KIF1B: variants seen among roughly 807,000 people sequenced by gnomAD.
The protein encoded by KIF1B is kinesin-like protein KIF1B.
A neutral mutation model predicts 241.9 loss-of-function variants in KIF1B; 76 were observed. The ratio of observed to expected loss-of-function variants is 0.31; its 90% confidence interval spans 0.26 to 0.38. KIF1B has a LOEUF of 0.38. KIF1B is among the 10% of genes least tolerant of loss of function. KIF1B has a pLI of 1.00. For missense variants in KIF1B, 1,622 were observed against 2,271.4 expected (o/e 0.71, Z 5.81); for synonymous variants, 750 against 796.7 (o/e 0.94, Z 0.99).
intron 2 of KIF1B, among the ~76,000 whole-genome samples, chr1:10,247,171 A>G (rs1196603861): frequency 2.6e-5 from 4 of 152,172 alleles, no homozygotes; most frequent in Admixed American, 2.6e-4. Flanking sequence ...AGTCCTTATC[A>G]CTTTTAGAAT....
intron 27 of KIF1B, among the ~76,000 whole-genome samples, chr1:10,334,194 C>T (rs1652074196): frequency 6.6e-6 from 1 of 151,194 alleles, no homozygotes; most frequent in African/African-American, 2.4e-5. Flanking sequence ...ATGGGCTCCT[C>T]CTCCAACCTG....
At chr1:10,368,963 G>A (rs910097997) in intron 44 of KIF1B, among the ~76,000 whole-genome samples, 77 of 152,118 alleles carry the variant, frequency 5.1e-4, no homozygotes, top group Admixed American at 2.0e-3. Flanking sequence ...TAGTCAGCTT[G>A]ACCTTAAACC....
At chr1:10,305,908 A>G (rs899714068) in intron 22 of KIF1B, 4 of 1,053,146 alleles carry the variant, frequency 3.8e-6, no homozygotes, top group South Asian at 9.1e-5. Context: ...GCCTGACTTC[A>G]TGTTTTGGAA....
chr1:10,272,599 A>T, intron 9 of KIF1B: 2 of 510,092 alleles, frequency 3.9e-6, no homozygotes, highest in Non-Finnish European at 7.0e-6. Flanking sequence ...ACAAAAACCA[A>T]GTATATTTAT....
intron 24 of KIF1B, among the ~76,000 whole-genome samples, chr1:10,322,374 A>G (rs564253827): frequency 6.6e-6 from 1 of 152,222 alleles, no homozygotes; most frequent in African/African-American, 2.4e-5. Context: ...CCATCTACAT[A>G]ATGGGGTTGG....
rs1428144182 is a variant in KIF1B, at chr1:10,365,262, T to G, written c.4512+17T>G. 9.9e-6 allele frequency: 16 copies of G among 1,613,748 alleles called. No individual in the cohort carries two copies. The highest frequency in any genetic ancestry group is 1.4e-5 in the Non-Finnish European group (16 of 1,179,844). ...CTACATGAGGTATCCAGGGGCAGGGTTGTTCAGATGCAAGAACTCTCGGAC... is the reference window on the plus strand; with the variant it reads ...CTACATGAGGTATCCAGGGGCAGGGGTGTTCAGATGCAAGAACTCTCGGAC... On this transcript the variant is annotated intron_variant, in intron 42 of 48. Coordinates refer to ENST00000676179, the MANE Select transcript of KIF1B (RefSeq NM_001365951.3). This position sits in a 1 kb window ranked among gnomAD's most constrained non-coding sequence, Gnocchi z 4.0.
chr1:10,334,458 C>T, intron 27 of KIF1B, 62 bp from the exon 28 acceptor site: 1 of 1,264,544 alleles, frequency 7.9e-7, no homozygotes, highest in Admixed American at 1.7e-5. Context: ...CTCAGTGAAT[C>T]TGAAAGCCAG....
At chr1:10,353,290 G>T (rs1449043165) in intron 38 of KIF1B, among the ~76,000 whole-genome samples, 2 of 152,122 alleles carry the variant, frequency 1.3e-5, no homozygotes, top group Admixed American at 1.3e-4. Flanking sequence ...GACCAAGATT[G>T]GCTGCCATAA....
At chr1:10,234,306 C>T (rs1450497859) in intron 2 of KIF1B, among the ~76,000 whole-genome samples, 1 of 151,504 alleles carries the variant, frequency 6.6e-6, no homozygotes, top group African/African-American at 2.4e-5. Flanking sequence ...CTCCTGGGTT[C>T]AAGCGATTCT....
In KIF1B at chr1:10,258,226, G is replaced by A. The variant is rs535058543; in HGVS notation, c.184-267G>A. Among the ~76,000 whole-genome samples the A allele has an allele frequency of 3.3e-5, 5 of 152,342 alleles. No individual in the cohort carries two copies. In the South Asian group the frequency reaches 1.0e-3, roughly 32 times the overall value. The stretch of plus-strand genomic sequence containing the variant: ...CTTTTAAGGTTATAGAAAGTGAAAT[G>A]TAATCATGCCAGATAATTTTATATA... On this transcript the variant is annotated intron_variant, in intron 3 of 48. Transcript: ENST00000676179.
chr1:10,229,867 C>CAAAAAAAAAA (rs58923572), intron 1 of KIF1B, among the ~76,000 whole-genome samples: 3 of 56,474 alleles, frequency 5.3e-5, no homozygotes, highest in African/African-American at 1.8e-4. Flanking sequence ...GACTCCGTCT[C>CAAAAAAAAAA]AAAAAAAAAA....
At chr1:10,371,922 C>CAT (rs1319726711) in intron 45 of KIF1B, among the ~76,000 whole-genome samples, 3 of 152,020 alleles carry the variant, frequency 2.0e-5, no homozygotes, top group African/African-American at 7.3e-5. Flanking sequence ...GGCGACAGAG[C>CAT]AAGACCCTGT....
chr1:10,286,546 G>A (rs1051653779), intron 15 of KIF1B, among the ~76,000 whole-genome samples: 1 of 152,220 alleles, frequency 6.6e-6, no homozygotes. Context: ...AGCATGCTAT[G>A]TTCAGTACAG....
At chr1:10,256,613 A>G (rs1392041968) in intron 3 of KIF1B, among the ~76,000 whole-genome samples, 1 of 151,834 alleles carries the variant, frequency 6.6e-6, no homozygotes, top group Non-Finnish European at 1.5e-5. Context: ...TGATTTAGAC[A>G]TTTCTTGAGG....
chr1:10,355,794 C>G (rs1448483928), intron 38 of KIF1B, among the ~76,000 whole-genome samples: 35 of 152,222 alleles, frequency 2.3e-4, no homozygotes, highest in Non-Finnish European at 1.5e-5. Context: ...TGCAGTCTTG[C>G]AAAACTGTTC....
At chr1:10,234,155 G>A (rs981041287) in intron 2 of KIF1B, among the ~76,000 whole-genome samples, 2 of 151,846 alleles carry the variant, frequency 1.3e-5, no homozygotes, top group South Asian at 2.1e-4. Flanking sequence ...CAAGTTTGCT[G>A]TAATGTTAGG....
In KIF1B at chr1:10,268,101, A is replaced by G. The variant is rs751121366; in HGVS notation, c.609-51A>G. 1.9e-5 allele frequency: 22 copies of G among 1,183,726 alleles called. No individual in the cohort carries two copies. In the Admixed American group the frequency reaches 3.1e-4, roughly 17 times the overall value. 73.3% of individuals were successfully genotyped at this position (1,183,726 alleles called of 1,614,324 possible). ...AATGTGGAGCCTGCTGTCCATTTCAACTCTCATCTAAGAATTCCCTTGTCA... is the reference window on the plus strand; with the variant it reads ...AATGTGGAGCCTGCTGTCCATTTCAGCTCTCATCTAAGAATTCCCTTGTCA... On this transcript the variant is annotated intron_variant, in intron 6 of 48. Coordinates refer to ENST00000676179, the MANE Select transcript of KIF1B (RefSeq NM_001365951.3).
intron 2 of KIF1B, among the ~76,000 whole-genome samples, chr1:10,247,172 CTT>C (rs1226059848): frequency 6.6e-6 from 1 of 152,198 alleles, no homozygotes; most frequent in African/African-American, 2.4e-5. Flanking sequence ...GTCCTTATCA[CTT>C]TTAGAATAAA....
chr1:10,260,256 GA>G (rs1648053713), intron 4 of KIF1B, among the ~76,000 whole-genome samples: 1 of 152,134 alleles, frequency 6.6e-6, no homozygotes, highest in Admixed American at 6.5e-5. Context: ...TCTAAACATA[GA>G]AAAGTACATT....
Sources: allele counts gnomAD v4.1 joint callset (sites outside exome capture counted in the v4.1 genomes callset), GRCh38; gene constraint gnomAD v4.1.1; non-coding constraint Gnocchi (gnomAD v3.1); transcripts MANE v1.5; gene names NCBI Gene and HGNC (gene_info 2026-07-23, HGNC 2026-07-21).